FAM53B: variants seen among roughly 807,000 people sequenced by gnomAD.
FAM53B encodes protein FAM53B.
A neutral mutation model predicts 32.7 loss-of-function variants in FAM53B; 12 were observed. The observed-to-expected ratio is 0.37, with a 90% confidence interval of 0.24 to 0.59. The LOEUF (loss-of-function observed/expected upper bound fraction) is 0.59. Among genes scored for constraint, FAM53B ranks in the 20% least tolerant of loss-of-function variants. FAM53B has a pLI of 0.72. For missense variants in FAM53B, 477 were observed against 577.7 expected, an observed-to-expected ratio of 0.83 and a Z score of 1.79; for synonymous variants, 234 against 228.7, an observed-to-expected ratio of 1.02 and a Z score of -0.21.
At chr10:124,652,037 T>A (rs537548840) in intron 4 of FAM53B, among the ~76,000 whole-genome samples, 131 of 152,300 alleles carry the variant, frequency 8.6e-4, no homozygotes, top group Non-Finnish European at 1.6e-3. Flanking sequence ...CCTGGAGAAT[T>A]TCAAAGCCAA....
intron 1 of FAM53B, among the ~76,000 whole-genome samples, chr10:124,715,549 T>C (rs1460957060): frequency 6.6e-6 from 1 of 152,220 alleles, no homozygotes; most frequent in Non-Finnish European, 1.5e-5. Context: ...TTCCAGGTTG[T>C]TTGTGGGGAG....
intron 4 of FAM53B, among the ~76,000 whole-genome samples, chr10:124,637,356 C>G (rs1949439758): frequency 6.6e-6 from 1 of 152,212 alleles, no homozygotes; most frequent in African/African-American, 2.4e-5. Flanking sequence ...TGGGCATGCC[C>G]TGGGGAAGTC....
At chr10:124,671,951 T>A (rs1371551570) in intron 4 of FAM53B, among the ~76,000 whole-genome samples, 3 of 152,238 alleles carry the variant, frequency 2.0e-5, no homozygotes, top group African/African-American at 7.2e-5. Flanking sequence ...AAGGGTTTGT[T>A]CTTCGTGTGG....
chr10:124,731,916 T>C (rs1320833018), intron 1 of FAM53B, among the ~76,000 whole-genome samples: 3 of 152,184 alleles, frequency 2.0e-5, no homozygotes, highest in Non-Finnish European at 4.4e-5. Context: ...AACTGAACGA[T>C]GGCTTGTTTC....
At chr10:124,697,232 T>C (rs528597461) in intron 2 of FAM53B, among the ~76,000 whole-genome samples, 1 of 152,216 alleles carries the variant, frequency 6.6e-6, no homozygotes, top group Admixed American at 6.5e-5. Context: ...GGGTTGATCA[T>C]GCAATGATGA....
intron 3 of FAM53B, among the ~76,000 whole-genome samples, chr10:124,689,025 AGCCT>A (rs1949817916): frequency 6.6e-6 from 1 of 152,210 alleles, no homozygotes; most frequent in African/African-American, 2.4e-5. Context: ...CCGATTAGCA[AGCCT>A]GCTGTCAGAT....
intron 3 of FAM53B, among the ~76,000 whole-genome samples, chr10:124,695,644 C>A (rs1210028476): frequency 6.6e-6 from 1 of 152,136 alleles, no homozygotes; most frequent in Non-Finnish European, 1.5e-5. Context: ...GATACATTTA[C>A]CACCCAATGC....
intron 1 of FAM53B, chr10:124,714,295 AAG>A (rs932364858): frequency 6.6e-6 from 1 of 152,002 alleles, no homozygotes; most frequent in African/African-American, 2.4e-5. Context: ...TGATACTGGA[AAG>A]AGAGTCTGGT....
In FAM53B at chr10:124,733,368, A is replaced by T. The variant is rs2134103001; in HGVS notation, c.-175+10645T>A. 6.6e-6 allele frequency among the ~76,000 whole-genome samples: 1 copy of T among 152,296 alleles called. No homozygotes were observed. On this transcript the variant is annotated intron_variant, in intron 1 of 4. Transcript: ENST00000337318. This position sits in a 1 kb window ranked among gnomAD's most constrained non-coding sequence, Gnocchi z 4.3. ...TCAGGCGCACTGGCCGCCAAGAGTC[A>T]GGTGACTCAGGCCCGCCATTCTCGA...
chr10:124,673,750 C>T (rs1412506317), intron 4 of FAM53B, among the ~76,000 whole-genome samples: 1 of 152,214 alleles, frequency 6.6e-6, no homozygotes, highest in Admixed American at 6.5e-5. Context: ...TCTGCTGCCC[C>T]CACAAGCCCC....
At position 124,733,303 on chromosome 10, in the gene FAM53B, G is replaced by T. The variant is rs958097693; in HGVS notation, c.-175+10710C>A. Among the ~76,000 whole-genome samples, 6 of 152,148 alleles carry T rather than the reference G, an allele frequency of 3.9e-5. No homozygotes were observed. The highest frequency in any genetic ancestry group is 9.7e-5 in the African/African-American group (4 of 41,436). ...AGGTCACATGCCACACAGTCAACGG[G>T]GCCTGGAATCTGGGCTGGCATCTGA... On this transcript the variant is annotated intron_variant, in intron 1 of 4. Transcript: ENST00000337318. This position sits in a 1 kb window ranked among gnomAD's most constrained non-coding sequence, Gnocchi z 4.3.
intron 4 of FAM53B, among the ~76,000 whole-genome samples, chr10:124,666,789 G>A (rs985491128): frequency 1.3e-5 from 2 of 152,204 alleles, no homozygotes; most frequent in Non-Finnish European, 2.9e-5. Context: ...CCAGCCCCAC[G>A]AGGAGGGTGG....
At chr10:124,728,308 T>C (rs138063912) in intron 1 of FAM53B, among the ~76,000 whole-genome samples, 102 of 152,296 alleles carry the variant, frequency 6.7e-4, no homozygotes, top group Middle Eastern at 3.4e-3. Flanking sequence ...GTTGATCTGG[T>C]TCGTTCACTC....
At chr10:124,644,594 AG>A (rs1276341369) in intron 4 of FAM53B, among the ~76,000 whole-genome samples, 1 of 152,220 alleles carries the variant, frequency 6.6e-6, no homozygotes, top group Non-Finnish European at 1.5e-5. Context: ...TCCTCCTGGC[AG>A]GAACAGCTCA....
intron 3 of FAM53B, among the ~76,000 whole-genome samples, chr10:124,688,495 C>A (rs1376674178): frequency 6.6e-6 from 1 of 152,250 alleles, no homozygotes; most frequent in Non-Finnish European, 1.5e-5. Context: ...AACACACAAG[C>A]ATCCCTGGGC....
At chr10:124,673,277 C>T (rs1589746220) in intron 4 of FAM53B, among the ~76,000 whole-genome samples, 1 of 152,260 alleles carries the variant, frequency 6.6e-6, no homozygotes, top group South Asian at 2.1e-4. Flanking sequence ...TATTGCTCCC[C>T]TGCTTAAAAC....
intron 4 of FAM53B, among the ~76,000 whole-genome samples, chr10:124,674,674 G>C (rs1949726533): frequency 6.6e-6 from 1 of 152,228 alleles, no homozygotes; most frequent in African/African-American, 2.4e-5. Flanking sequence ...CCAGTCAAAG[G>C]GGCAAGAGCC....
At chr10:124,685,568 G>A (rs984308897) in intron 3 of FAM53B, among the ~76,000 whole-genome samples, 11 of 152,254 alleles carry the variant, frequency 7.2e-5, no homozygotes, top group African/African-American at 2.7e-4. Flanking sequence ...GGTGCTCACG[G>A]AGCCTGAGAC....
intron 4 of FAM53B, among the ~76,000 whole-genome samples, chr10:124,630,037 GTCT>G (rs907251494): frequency 5.3e-5 from 8 of 152,218 alleles, no homozygotes; most frequent in African/African-American, 1.7e-4. Flanking sequence ...TGGGCATCTG[GTCT>G]TCTGCTGCTG....
Sources: gnomAD v4.1 joint callset for allele counts (sites outside exome capture counted in the v4.1 genomes callset) on GRCh38, gnomAD v4.1.1 for gene constraint, Gnocchi (gnomAD v3.1) non-coding constraint, MANE v1.5 for transcripts, NCBI Gene and HGNC (gene_info 2026-07-23, HGNC 2026-07-21) for gene names.